The following FAM186B variants were observed in gnomAD, a reference collection of about 807,000 sequenced individuals.
FAM186B encodes the protein protein FAM186B.
FAM186B carries 68 observed loss-of-function variants against 83.4 expected under a neutral mutation model. The ratio of observed to expected loss-of-function variants is 0.81; its 90% CI spans 0.67 to 1.00. FAM186B has a LOEUF of 1.00. Among genes scored for constraint, FAM186B ranks in the 50% least tolerant of loss-of-function variants. The probability of loss-of-function intolerance (pLI) is 0.00; values close to 1 mark genes in which losing one functional copy is unlikely to be tolerated. For missense variants in FAM186B, 983 were observed against 1,099.2 expected (o/e 0.89, Z 1.49); for synonymous variants, 389 against 422.0 (o/e 0.92, Z 0.96).
rs1939995379 is a variant in FAM186B at position 49,605,406 on chromosome 12, A to G, written c.72T>C (p.Ala24=). ...CCTCTTGAGCCCGAGTTAGCTGGGC[A>G]GCCTCAATCCTCAGGATGATGGCTT... The part of the protein sequence containing the change: ...SVKAIILRIE[A]AQLTRAQEDI... The change falls in exon 1 of 7, where the codon GCT becomes GCC. Residue 24 remains alanine (A), a synonymous_variant. Coordinates refer to ENST00000257894, the MANE Select transcript of FAM186B (RefSeq NM_032130.3). The G allele has an allele frequency of 2.5e-6, 4 of 1,613,688 alleles. No homozygotes were observed. The East Asian group carries it at 8.9e-5, about 36-fold the overall frequency.
intron 5 of FAM186B, among the ~76,000 whole-genome samples, chr12:49,589,161 C>T (rs1191846530): frequency 1.3e-5 from 2 of 152,212 alleles, no homozygotes; most frequent in African/African-American, 2.4e-5. Context: ...GGCCAAGGCT[C>T]TTCTGGCTGC....
At chr12:49,592,452 A>G (rs1939601867) in intron 5 of FAM186B, among the ~76,000 whole-genome samples, 1 of 152,042 alleles carries the variant, frequency 6.6e-6, no homozygotes. Context: ...AGCCTGGGCA[A>G]CAGAGTGAGA....
At chr12:49,583,472 C>G (rs1939377887), downstream of FAM186B, 1 of 188,004 alleles carries the variant, frequency 5.3e-6, no homozygotes, top group Admixed American at 5.4e-5. Context: ...AGCCTGGGAC[C>G]CGAGAGGCTG....
At chr12:49,593,225 C>T (rs1453803471) in intron 5 of FAM186B, 3 of 152,150 alleles carry the variant, frequency 2.0e-5, no homozygotes, top group Non-Finnish European at 2.9e-5. Flanking sequence ...TATATAGACA[C>T]AGAGGTTAAC....
chr12:49,589,936 G>A (rs938511544), intron 5 of FAM186B, among the ~76,000 whole-genome samples: 2 of 130,722 alleles, frequency 1.5e-5, no homozygotes, highest in African/African-American at 6.1e-5. Flanking sequence ...AGCCGAGATC[G>A]CACCACTGCA....
At chr12:49,613,237 T>G in the FAM186B span, among the ~76,000 whole-genome samples, 1 of 152,086 alleles carries the variant, frequency 6.6e-6, no homozygotes, top group East Asian at 1.9e-4. Context: ...CCTCAAAAAG[T>G]TAGATCTCGG....
intron 2 of FAM186B, chr12:49,604,038 T>C (rs1437495348): frequency 1.9e-5 from 9 of 467,558 alleles, no homozygotes; most frequent in Non-Finnish European, 3.4e-5. Context: ...CTCTATAAAA[T>C]AGCTAATGTG....
At chr12:49,617,966 T>C in the FAM186B span, among the ~76,000 whole-genome samples, 1 of 152,150 alleles carries the variant, frequency 6.6e-6, no homozygotes, top group African/African-American at 2.4e-5. Context: ...AGACCAGAGA[T>C]GGGCAATCTC....
chr12:49,614,264 T>C, the FAM186B span, among the ~76,000 whole-genome samples: 1 of 152,132 alleles, frequency 6.6e-6, no homozygotes, highest in African/African-American at 2.4e-5. Flanking sequence ...AAAAGATACA[T>C]GCACTCATAT....
intron 5 of FAM186B, chr12:49,594,219 C>G: frequency 3.7e-6 from 1 of 273,266 alleles, no homozygotes. Context: ...GAATAATATT[C>G]AAGAAAAGGA....
rs778103645 is a variant in FAM186B, at chr12:49,588,449, C to T, written c.2534+5G>A. The T allele has an allele frequency of 6.2e-7, 1 of 1,608,824 alleles. No individual in the cohort carries two copies. The highest frequency in any genetic ancestry group is 8.5e-7 in the Non-Finnish European group (1 of 1,176,692). On this transcript the variant is annotated splice_donor_5th_base_variant and intron_variant, in intron 6 of 6. Coordinates refer to ENST00000257894, the MANE Select transcript of FAM186B (RefSeq NM_032130.3). ...CTGCTGCCCCCTCAGCTTCCCAGAA[C>T]CTACCGGGCCATCTGCAGGGGCACA...
intron 5 of FAM186B, among the ~76,000 whole-genome samples, chr12:49,591,968 T>C (rs909556348): frequency 7.9e-5 from 12 of 152,222 alleles, no homozygotes; most frequent in Non-Finnish European, 1.6e-4. Flanking sequence ...TTTCTCCGAA[T>C]ATTTTTGATC....
downstream of FAM186B, chr12:49,584,502 G>T (rs1334970464): frequency 1.4e-6 from 1 of 702,226 alleles, no homozygotes; most frequent in African/African-American, 1.7e-5. Context: ...GGGCTGTCTT[G>T]ATCCTTCTGG....
At chr12:49,597,363 G>A (rs1939751608) in intron 5 of FAM186B, among the ~76,000 whole-genome samples, 1 of 149,050 alleles carries the variant, frequency 6.7e-6, no homozygotes, top group South Asian at 2.1e-4. Context: ...ATGCATAGAT[G>A]GAAAAATATC....
At chr12:49,620,877 T>C in the FAM186B span, among the ~76,000 whole-genome samples, 2 of 152,328 alleles carry the variant, frequency 1.3e-5, no homozygotes, top group Admixed American at 6.5e-5. Context: ...ATGGAATTAA[T>C]GATTTATAAG....
the FAM186B span, among the ~76,000 whole-genome samples, chr12:49,613,246 G>A: frequency 1.3e-5 from 2 of 152,084 alleles, no homozygotes; most frequent in Admixed American, 6.6e-5. Flanking sequence ...GTTAGATCTC[G>A]GCCTGGTGCA....
intron 5 of FAM186B, among the ~76,000 whole-genome samples, chr12:49,593,926 T>C (rs1409766725): frequency 8.5e-5 from 13 of 152,138 alleles, no homozygotes; most frequent in Admixed American, 8.5e-4. Context: ...CTGAAATAAA[T>C]AGACATAACT....
At chr12:49,594,469 T>C (rs1361081601) in intron 5 of FAM186B, among the ~76,000 whole-genome samples, 1 of 152,262 alleles carries the variant, frequency 6.6e-6, no homozygotes, top group African/African-American at 2.4e-5. Flanking sequence ...TGATAAAGTT[T>C]AATTTTTAAA....
rs79052626 is a variant in FAM186B, at chr12:49,602,702, C to T, written c.505+483G>A. Among the ~76,000 whole-genome samples the T allele has an allele frequency of 1.1e-3, 174 of 152,298 alleles. 4 individuals are homozygous for T. In the East Asian group the frequency reaches 0.029, roughly 26 times the overall value. On this transcript the variant is annotated intron_variant, in intron 3 of 6. Transcript: ENST00000257894. ...CTCTGAGCTTCAATGTTCTCATCTA[C>T]AAAATGTATGAGTTCGATAATATCA...
Sources: gnomAD v4.1 joint callset for allele counts (sites outside exome capture counted in the v4.1 genomes callset) on GRCh38, gnomAD v4.1.1 for gene constraint, MANE v1.5 for transcripts, NCBI Gene and HGNC (gene_info 2026-07-23, HGNC 2026-07-21) for gene names.